INA: variants seen among roughly 807,000 people sequenced by gnomAD.
INA encodes alpha-internexin.
INA carries 35 observed loss-of-function variants against 40.1 expected under a neutral mutation model. That is an observed-to-expected ratio of 0.87 (90% CI 0.67 to 1.16). The LOEUF (loss-of-function observed/expected upper bound fraction) is 1.16. INA is among the 50% of genes most tolerant of loss of function. The pLI is 0.00. For missense variants in INA, 594 were observed against 686.7 expected, an observed-to-expected ratio of 0.87 and a Z score of 1.51; for synonymous variants, 290 against 316.9, an observed-to-expected ratio of 0.92 and a Z score of 0.90.
Position 103,288,497 on chromosome 10 carries a change from G to C in INA, c.1328G>C (p.Gly443Ala). The C allele has an allele frequency of 6.2e-7, 1 of 1,613,656 alleles. No individual in the cohort carries two copies. The highest frequency in any genetic ancestry group is 8.5e-7 in the Non-Finnish European group (1 of 1,179,946). The change falls in exon 3 of 3, where the codon GGG becomes GCG. Residue 443 changes from glycine (G) to alanine (A), a missense_variant. By Grantham distance (60) the Gly-to-Ala change is moderately conservative (BLOSUM62 0). Around this residue, in one of 2 missense-constraint regions of INA, gnomAD observed 379 missense variants for 496.1 expected, o/e 0.76. Transcript: ENST00000369849. Reference sequence around the variant, plus strand: ...ACAACCTCCAAAGTCTCATCCACTGGGCTATCACTTAAGAAAGAGGAGGAG... The same window carrying C: ...ACAACCTCCAAAGTCTCATCCACTGCGCTATCACTTAAGAAAGAGGAGGAG... ...SATTSKVSSTGLSLKKEEEEE... is the reference protein window; with the variant it reads ...SATTSKVSSTALSLKKEEEEE...
intron 1 of INA, among the ~76,000 whole-genome samples, chr10:103,285,286 A>G (rs974652131): frequency 2.0e-5 from 3 of 150,350 alleles, no homozygotes; most frequent in Non-Finnish European, 3.0e-5. Flanking sequence ...GCCTGGCAGG[A>G]GAGGACATTT....
intron 1 of INA, among the ~76,000 whole-genome samples, chr10:103,286,335 CAAAAA>C (rs71019675): frequency 7.7e-5 from 4 of 51,702 alleles, no homozygotes; most frequent in Admixed American, 5.0e-4. Context: ...GACCTTGTCT[CAAAAA>C]AAAAAAAAAA....
rs548973332 is a variant in INA at position 103,286,858 on chromosome 10, C to T, written c.1066-177C>T. On this transcript the variant is annotated intron_variant, in intron 1 of 2. Coordinates refer to ENST00000369849, the MANE Select transcript of INA (RefSeq NM_032727.4). Reference sequence around the variant, plus strand: ...ATGAAAAAAATGCAAATGCTGGGACCCCACCCCAGAACCAGTGAATCTGGA... The same window carrying T: ...ATGAAAAAAATGCAAATGCTGGGACTCCACCCCAGAACCAGTGAATCTGGA... Among the ~76,000 whole-genome samples, 22 of 152,110 alleles carry T rather than the reference C, an allele frequency of 1.4e-4. No individual in the cohort carries two copies. The South Asian group carries it at 4.6e-3, about 32-fold the overall frequency.
At position 103,277,609 on chromosome 10, in the gene INA, AC is replaced by A; in HGVS notation, c.399del (p.His133GlnfsTer64). The A allele has an allele frequency of 6.6e-7, 1 of 1,526,386 alleles. No homozygotes were observed. Among genetic ancestry groups the A allele is most frequent in the Non-Finnish European group, 8.7e-7 (1 of 1,144,006 alleles). 94.6% of individuals were successfully genotyped at this position (1,526,386 alleles called of 1,614,324 possible). A position where few individuals can be genotyped will look rare whatever the true frequency, so the allele number is the denominator to read the frequency against. On this transcript the variant is annotated frameshift_variant, in exon 1 of 3. Transcript: ENST00000369849. LOFTEE classifies it high-confidence loss of function. The surrounding 1 kb of genome is among the most constrained non-coding windows in gnomAD (Gnocchi z 5.6). ...EAELAALRQR[H>X]AEPSRVGELF... ...GAGCTGGCCGCGCTGCGACAGCGCC[AC>A]GCTGAGCCGTCGCGCGTCGGCGAGC...
chr10:103,289,496 A>G lies in INA; in HGVS notation c.*827A>G, dbSNP rs1051062282. 1 of 152,668 alleles carries G rather than the reference A, an allele frequency of 6.6e-6. No individual in the cohort carries two copies. The highest frequency in any genetic ancestry group is 2.4e-5 in the African/African-American group (1 of 41,478). 9.5% of individuals were successfully genotyped at this position (152,668 alleles called of 1,614,324 possible). ...ACAAATCTATTTAATTAGGAAAAAA[A>G]CTATTAAGGATGTAGCTTTTCACCT... is the stretch of plus-strand genomic sequence containing the variant. On this transcript the variant is annotated 3_prime_UTR_variant, in exon 3 of 3. Transcript: ENST00000369849.
chr10:103,288,481 A>C lies in INA; in HGVS notation c.1312A>C (p.Lys438Gln), dbSNP rs1379858479. The change falls in exon 3 of 3, where the codon AAA becomes CAA. Residue 438 changes from lysine to glutamine, a missense_variant. By Grantham distance (53) the Lys-to-Gln change is moderately conservative. Transcript: ENST00000369849. ...PPRILSATTS[K>Q]VSSTGLSLKK... is the part of the protein sequence containing the mutation. ...TAGAATCCTCAGTGCTACAACCTCC[A>C]AAGTCTCATCCACTGGGCTATCACT... 7 of 1,614,104 alleles carry C rather than the reference A, an allele frequency of 4.3e-6. No individual in the cohort carries two copies. Among genetic ancestry groups the C allele is most frequent in the Non-Finnish European group, 5.9e-6 (7 of 1,180,028 alleles).
intron 1 of INA, among the ~76,000 whole-genome samples, chr10:103,285,708 C>G (rs965681059): frequency 2.8e-5 from 4 of 144,384 alleles, no homozygotes; most frequent in African/African-American, 1.0e-4. Flanking sequence ...ACCTCCCCCT[C>G]CTGGGTTCAA....
intron 1 of INA, 29 bp from the exon 2 acceptor site, chr10:103,287,006 C>T (rs748655574): frequency 1.9e-6 from 3 of 1,609,200 alleles, no homozygotes; most frequent in Admixed American, 1.7e-5. Context: ...CTGGTTTGGC[C>T]TAACTATTTT....
intron 1 of INA, among the ~76,000 whole-genome samples, chr10:103,281,683 ATCAGACTGTGGGGCACTCACT>A (rs957330375): frequency 6.6e-6 from 1 of 152,240 alleles, no homozygotes; most frequent in African/African-American, 2.4e-5. Flanking sequence ...GCCTCTTTCA[ATCAGACTGTGGGGCACTCACT>A]ACTGCCTCCC....
intron 1 of INA, among the ~76,000 whole-genome samples, chr10:103,286,654 T>C (rs2093086846): frequency 1.3e-5 from 2 of 152,018 alleles, no homozygotes; most frequent in Admixed American, 1.3e-4. Flanking sequence ...AACAGAGTTA[T>C]TTAGCAGCAA....
intron 2 of INA, 56 bp downstream of exon 2, chr10:103,287,215 C>T: frequency 6.4e-7 from 1 of 1,566,948 alleles, no homozygotes; most frequent in East Asian, 2.3e-5. Context: ...GGCAATGCTG[C>T]CCAAATAAGT....
chr10:103,289,581 G>A lies in INA; in HGVS notation c.*912G>A, dbSNP rs950372509. The A allele has an allele frequency of 1.3e-5, 2 of 152,646 alleles. No homozygotes were observed. The highest frequency in any genetic ancestry group is 2.4e-5 in the African/African-American group (1 of 41,448). 9.5% of individuals were successfully genotyped at this position (152,646 alleles called of 1,614,324 possible). ...GATGAAGCCGACCTTAGATTTAGTA[G>A]TGTAAGCTAGAAGAAGTGAGTGTTT... On this transcript the variant is annotated 3_prime_UTR_variant, in exon 3 of 3. Transcript: ENST00000369849.
rs548792001 is a variant in INA, at chr10:103,289,846, A to G, written c.*1177A>G. ...AAAAGAAACCACTTCTGGTCAATCAACACTACCAGCGTATATATAAGAAAG... is the reference window on the plus strand; with the variant it reads ...AAAAGAAACCACTTCTGGTCAATCAGCACTACCAGCGTATATATAAGAAAG... On this transcript the variant is annotated 3_prime_UTR_variant, in exon 3 of 3. Coordinates refer to ENST00000369849, the MANE Select transcript of INA (RefSeq NM_032727.4). 7.7e-4 allele frequency: 118 copies of G among 152,460 alleles called. No homozygotes were observed. The highest frequency in any genetic ancestry group is 2.7e-3 in the African/African-American group (111 of 41,568). 9.4% of individuals were successfully genotyped at this position (152,460 alleles called of 1,614,324 possible).
intron 1 of INA, chr10:103,280,378 A>G (rs1367807168): frequency 9.1e-6 from 9 of 985,296 alleles, no homozygotes; most frequent in Non-Finnish European, 7.2e-6. Context: ...TGATGCCACA[A>G]GGGTGTCTCT....
Position 103,277,176 on chromosome 10 carries a change from C to T in INA, c.-36C>T, listed in dbSNP as rs752601985. ...CACCTCTCCTTTCTTCTGTAGCTCG[C>T]GTTGAAGCCGCACGTCCGGCCCCGA... On this transcript the variant is annotated 5_prime_UTR_variant, in exon 1 of 3. Coordinates refer to ENST00000369849, the MANE Select transcript of INA (RefSeq NM_032727.4). The surrounding 1 kb of genome is among the most constrained non-coding windows in gnomAD (Gnocchi z 5.6). 3.2e-6 allele frequency: 5 copies of T among 1,540,796 alleles called. No homozygotes were observed. The highest frequency in any genetic ancestry group is 1.2e-5 in the South Asian group (1 of 82,938).
chr10:103,284,222 C>T (rs1472080726), intron 1 of INA, among the ~76,000 whole-genome samples: 2 of 152,042 alleles, frequency 1.3e-5, no homozygotes, highest in East Asian at 1.9e-4. Context: ...ATTCTCTCAG[C>T]TCAGCCTCAA....
chr10:103,278,328 T>G lies in INA; in HGVS notation c.1065+52T>G. On this transcript the variant is annotated intron_variant, in intron 1 of 2. Coordinates refer to ENST00000369849, the MANE Select transcript of INA (RefSeq NM_032727.4). This position sits in a 1 kb window ranked among gnomAD's most constrained non-coding sequence, Gnocchi z 4.9. ...GGGGTGCCCTGCCCTCTTCCGCGCG[T>G]ACCCTCTTCCTCTGGTAAAACTGGG... 1.5e-6 allele frequency: 2 copies of G among 1,370,002 alleles called. No individual in the cohort carries two copies. The highest frequency in any genetic ancestry group is 2.0e-6 in the Non-Finnish European group (2 of 1,013,208). The allele number at this position is 1,370,002 out of a possible 1,614,324, so 84.9% of individuals were successfully genotyped here. A position where few individuals can be genotyped will look rare whatever the true frequency, so the allele number is the denominator to read the frequency against.
Position 103,278,167 on chromosome 10 carries a change from T to G in INA, c.956T>G (p.Leu319Arg). 1 of 1,612,226 alleles carries G rather than the reference T, an allele frequency of 6.2e-7. No individual in the cohort carries two copies. Among genetic ancestry groups the G allele is most frequent in the Non-Finnish European group, 8.5e-7 (1 of 1,179,590 alleles). The change falls in exon 1 of 3, where the codon CTG (leucine) becomes CGG (arginine). Residue 319 changes from leucine to arginine, a missense_variant. Physicochemically the swap from Leu to Arg is moderately radical, Grantham distance 102 (BLOSUM62 -2). Transcript: ENST00000369849. The surrounding 1 kb of genome is among the most constrained non-coding windows in gnomAD (Gnocchi z 4.9). ...GAGATCCACGAGTATCGGCGCCAGC[T>G]GCAGGCGCGCACCATCGAGATCGAG... ...REEIHEYRRQ[L>R]QARTIEIEGL...
chr10:103,287,187 T>C (rs367637359), intron 2 of INA, 28 bp downstream of exon 2: 8 of 1,606,098 alleles, frequency 5.0e-6, no homozygotes, highest in Non-Finnish European at 6.8e-6. Context: ...CTTACCCGAG[T>C]AAATCCAGTC....
Sources: gnomAD v4.1 joint callset for allele counts (sites outside exome capture counted in the v4.1 genomes callset) on GRCh38, gnomAD v4.1.1 for gene constraint, gnomAD v4.1.1 regional missense constraint, Gnocchi (gnomAD v3.1) non-coding constraint, MANE v1.5 for transcripts, NCBI Gene and HGNC (gene_info 2026-07-23, HGNC 2026-07-21) for gene names.